Variants in ADAMTSL1 observed in about 807,000 individuals in gnomAD.
The protein encoded by ADAMTSL1 is ADAMTS like 1.
In ADAMTSL1, 126 loss-of-function variants were observed where a neutral mutation model predicts 201.8. That is an observed-to-expected ratio of 0.62 (90% CI 0.54 to 0.72). The LOEUF is 0.72. Ranked by LOEUF, ADAMTSL1 falls within the 30% of genes least tolerant of loss-of-function variation. ADAMTSL1 has a pLI of 0.00. For synonymous variants in ADAMTSL1, 1,121 were observed against 903.4 expected, an observed-to-expected ratio of 1.24 and a Z score of -4.32; for missense variants, 2,679 against 2,277.8, an observed-to-expected ratio of 1.18 and a Z score of -3.59.
intron 8 of ADAMTSL1, among the ~76,000 whole-genome samples, chr9:18,660,623 C>T (rs901638211): frequency 6.6e-6 from 1 of 152,008 alleles, no homozygotes; most frequent in African/African-American, 2.4e-5. Flanking sequence ...AAATAATTAG[C>T]CTGTTATAAA....
intron 1 of ADAMTSL1, among the ~76,000 whole-genome samples, chr9:17,979,853 G>A (rs1248801421): frequency 2.0e-5 from 3 of 152,104 alleles, no homozygotes; most frequent in Non-Finnish European, 4.4e-5. Flanking sequence ...CATGCCTACT[G>A]CCAGAGTCCT....
chr9:18,179,056 G>T (rs1284164396), intron 2 of ADAMTSL1, among the ~76,000 whole-genome samples: 8 of 151,232 alleles, frequency 5.3e-5, no homozygotes, highest in South Asian at 2.1e-4. Flanking sequence ...AGAGAAGAAG[G>T]CTTCAGACAA....
intron 4 of ADAMTSL1, among the ~76,000 whole-genome samples, chr9:18,598,838 G>C (rs1464854181): frequency 6.6e-6 from 1 of 151,810 alleles, no homozygotes; most frequent in Non-Finnish European, 1.5e-5. Context: ...AGCGTTACAA[G>C]TGATTTAAGT....
intron 2 of ADAMTSL1, among the ~76,000 whole-genome samples, chr9:18,409,576 G>T (rs968850212): frequency 1.3e-5 from 2 of 151,026 alleles, no homozygotes; most frequent in Non-Finnish European, 3.0e-5. Flanking sequence ...GATATACAGG[G>T]TTAAAATTTT....
At chr9:18,607,102 T>G (rs1210915107) in intron 4 of ADAMTSL1, among the ~76,000 whole-genome samples, 2 of 152,168 alleles carry the variant, frequency 1.3e-5, no homozygotes, top group Non-Finnish European at 2.9e-5. Context: ...GAAATTGAGG[T>G]TGGAAATCAT....
At chr9:18,357,738 A>C (rs1480433014) in intron 2 of ADAMTSL1, among the ~76,000 whole-genome samples, 1 of 152,164 alleles carries the variant, frequency 6.6e-6, no homozygotes, top group African/African-American at 2.4e-5. Context: ...TATAATATAT[A>C]TTTCATTTGT....
intron 1 of ADAMTSL1, among the ~76,000 whole-genome samples, chr9:18,131,004 C>A (rs1825928563): frequency 1.3e-5 from 2 of 152,118 alleles, no homozygotes; most frequent in African/African-American, 4.8e-5. Context: ...TGTTAAGAAG[C>A]CAGATAAATC....
At chr9:18,187,569 G>T (rs144917637) in intron 2 of ADAMTSL1, among the ~76,000 whole-genome samples, 6 of 152,078 alleles carry the variant, frequency 3.9e-5, no homozygotes, top group African/African-American at 1.4e-4. Context: ...ACATTTATAT[G>T]ATCATAGAGA....
At chr9:18,651,616 T>C (rs574428819) in intron 7 of ADAMTSL1, among the ~76,000 whole-genome samples, 1 of 152,316 alleles carries the variant, frequency 6.6e-6, no homozygotes, top group African/African-American at 2.4e-5. Context: ...TTTTAAAAGG[T>C]ATTGCATATC....
At chr9:18,737,589 T>C (rs1369673427) in intron 15 of ADAMTSL1, among the ~76,000 whole-genome samples, 2 of 152,202 alleles carry the variant, frequency 1.3e-5, no homozygotes, top group African/African-American at 2.4e-5. Context: ...CTTCATTCTT[T>C]ATATTCCAAA....
intron 1 of ADAMTSL1, among the ~76,000 whole-genome samples, chr9:18,476,544 A>G (rs750811067): frequency 4.6e-5 from 7 of 152,142 alleles, no homozygotes; most frequent in Non-Finnish European, 7.4e-5. Context: ...AAATTTAATT[A>G]TTGGCTTAAG....
intron 26 of ADAMTSL1, 101 bp downstream of exon 26, chr9:18,892,697 C>G (rs1167687658): frequency 3.8e-6 from 5 of 1,327,726 alleles, no homozygotes; most frequent in Non-Finnish European, 5.1e-6. Context: ...CCACCTCCTC[C>G]TTTCACATTC....
At chr9:18,309,929 T>C (rs1834054933) in intron 2 of ADAMTSL1, among the ~76,000 whole-genome samples, 1 of 152,046 alleles carries the variant, frequency 6.6e-6, no homozygotes, top group African/African-American at 2.4e-5. Flanking sequence ...GCTACCTAAC[T>C]TCAAACTATA....
At chr9:17,929,368 T>G (rs1826685294) in intron 1 of ADAMTSL1, among the ~76,000 whole-genome samples, 1 of 152,120 alleles carries the variant, frequency 6.6e-6, no homozygotes, top group African/African-American at 2.4e-5. Flanking sequence ...GTAAGACCTC[T>G]TCTTTCGTAT....
intron 20 of ADAMTSL1, among the ~76,000 whole-genome samples, chr9:18,808,838 A>G (rs928903429): frequency 6.6e-6 from 1 of 152,250 alleles, no homozygotes; most frequent in African/African-American, 2.4e-5. Context: ...GTTCAGCCCT[A>G]TAACTTGCTA....
chr9:18,300,384 C>CTT (rs879307123), intron 2 of ADAMTSL1, among the ~76,000 whole-genome samples: 57 of 151,816 alleles, frequency 3.8e-4, no homozygotes, highest in South Asian at 1.0e-3. Flanking sequence ...CACCGCACGT[C>CTT]CTCACTCATA....
chr9:18,713,232 C>A (rs1832719783), intron 14 of ADAMTSL1, among the ~76,000 whole-genome samples: 1 of 151,764 alleles, frequency 6.6e-6, no homozygotes, highest in Non-Finnish European at 1.5e-5. Context: ...ATGACAGGAT[C>A]ATATTCACAC....
intron 2 of ADAMTSL1, among the ~76,000 whole-genome samples, chr9:18,280,268 G>C (rs1230705624): frequency 6.6e-6 from 1 of 152,100 alleles, no homozygotes; most frequent in Non-Finnish European, 1.5e-5. Flanking sequence ...TAGGGCTGCA[G>C]GGGCTTGCTT....
intron 1 of ADAMTSL1, among the ~76,000 whole-genome samples, chr9:17,915,960 C>A (rs1049758457): frequency 1.3e-5 from 2 of 151,918 alleles, no homozygotes; most frequent in African/African-American, 4.8e-5. Flanking sequence ...TGCTCTGTTG[C>A]CCAGGCTGGA....
Sources: gnomAD v4.1 joint callset for allele counts (sites outside exome capture counted in the v4.1 genomes callset) on GRCh38, gnomAD v4.1.1 for gene constraint, MANE v1.5 for transcripts, NCBI Gene and HGNC (gene_info 2026-07-23, HGNC 2026-07-21) for gene names.